GPD1L: variants seen among roughly 807,000 people sequenced by gnomAD.
The protein encoded by GPD1L is glycerol-3-phosphate dehydrogenase 1 like.
A neutral mutation model predicts 32.9 loss-of-function variants in GPD1L; 17 were observed. The ratio of observed to expected loss-of-function variants is 0.52; its 90% CI spans 0.35 to 0.78. GPD1L has a LOEUF of 0.78. Among genes scored for constraint, GPD1L ranks in the 30% least tolerant of loss-of-function variants. The pLI, the probability that GPD1L is intolerant of heterozygous loss-of-function variation, is 0.01. For missense variants in GPD1L, 361 were observed against 447.8 expected, an observed-to-expected ratio of 0.81 and a Z score of 1.75; for synonymous variants, 187 against 165.9, an observed-to-expected ratio of 1.13 and a Z score of -0.98.
intron 1 of GPD1L, among the ~76,000 whole-genome samples, chr3:32,116,201 G>A (rs1700330908): frequency 6.6e-6 from 1 of 152,126 alleles, no homozygotes; most frequent in African/African-American, 2.4e-5. Flanking sequence ...TTGAAATTCT[G>A]CATGTGCAAA....
chr3:32,150,872 T>C (rs929049175), intron 5 of GPD1L, among the ~76,000 whole-genome samples: 2 of 152,156 alleles, frequency 1.3e-5, no homozygotes, highest in Non-Finnish European at 2.9e-5. Context: ...GGAAGACTGC[T>C]TGAGTCCACG....
At chr3:32,142,077 A>C (rs1245258892) in intron 4 of GPD1L, among the ~76,000 whole-genome samples, 4 of 152,008 alleles carry the variant, frequency 2.6e-5, no homozygotes, top group African/African-American at 9.7e-5. Flanking sequence ...TAACTCACTT[A>C]GGATAATGGC....
chr3:32,145,139 C>T (rs1382081699), intron 4 of GPD1L, among the ~76,000 whole-genome samples: 1 of 151,730 alleles, frequency 6.6e-6, no homozygotes, highest in Non-Finnish European at 1.5e-5. Flanking sequence ...GCCAACATGG[C>T]GAAACCCCAT....
chr3:32,148,890 G>A (rs540027842), intron 5 of GPD1L, among the ~76,000 whole-genome samples: 1 of 152,202 alleles, frequency 6.6e-6, no homozygotes, highest in Admixed American at 6.5e-5. Flanking sequence ...CAACAGAAAG[G>A]TGTAAAGAAG....
At chr3:32,121,245 C>A (rs1165659179) in intron 1 of GPD1L, among the ~76,000 whole-genome samples, 1 of 151,796 alleles carries the variant, frequency 6.6e-6, no homozygotes, top group Non-Finnish European at 1.5e-5. Context: ...CTTCCCTTAA[C>A]CTGTCTCCTC....
intron 1 of GPD1L, among the ~76,000 whole-genome samples, chr3:32,122,377 C>T (rs1284969852): frequency 6.6e-6 from 1 of 152,162 alleles, no homozygotes; most frequent in African/African-American, 2.4e-5. Flanking sequence ...TCAATTTCAT[C>T]ATCTGTAAAA....
At chr3:32,113,263 T>C (rs968457238) in intron 1 of GPD1L, among the ~76,000 whole-genome samples, 1 of 152,300 alleles carries the variant, frequency 6.6e-6, no homozygotes, top group African/African-American at 2.4e-5. Flanking sequence ...TCTTTTTTTT[T>C]CTTTGTATGT....
chr3:32,167,833 G>A lies in GPD1L; in HGVS notation c.*1923G>A, dbSNP rs576637212. On this transcript the variant is annotated 3_prime_UTR_variant, in exon 8 of 8. Transcript: ENST00000282541. ...AAACTCTATCCAAAACATTTTTGGA[G>A]CATTTTAAAGCCCCATACACAGAAG... The A allele has an allele frequency of 6.6e-6, 1 of 152,190 alleles. No homozygotes were observed. The highest frequency in any genetic ancestry group is 2.1e-4 in the South Asian group (1 of 4,826). 9.4% of individuals were successfully genotyped at this position (152,190 alleles called of 1,614,324 possible).
At chr3:32,144,011 T>A (rs7641579) in intron 4 of GPD1L, among the ~76,000 whole-genome samples, 80,944 of 151,986 alleles carry the variant, frequency 0.53, 24,898 homozygotes, top group East Asian at 0.89. Flanking sequence ...ATGAGCACTA[T>A]GTGCAGTGTG....
chr3:32,124,845 C>A (rs927289280), intron 1 of GPD1L, among the ~76,000 whole-genome samples: 7 of 152,106 alleles, frequency 4.6e-5, no homozygotes, highest in Non-Finnish European at 1.0e-4. Flanking sequence ...TTCCCTTGAG[C>A]CTGGGAGGTC....
rs1185213004 is a variant in GPD1L at position 32,106,969 on chromosome 3, C to T, written c.47+211C>T. On this transcript the variant is annotated intron_variant, in intron 1 of 7. Coordinates refer to ENST00000282541, the MANE Select transcript of GPD1L (RefSeq NM_015141.4). The surrounding 1 kb of genome is among the most constrained non-coding windows in gnomAD (Gnocchi z 4.0). ...GGGAGGCGCTGGGCTCGCGTGCGTG[C>T]GGGGGACAGCGCGGAGAGAGGGCAC... 6.6e-6 allele frequency among the ~76,000 whole-genome samples: 1 copy of T among 152,138 alleles called. No homozygotes were observed. The highest frequency in any genetic ancestry group is 1.5e-5 in the Non-Finnish European group (1 of 68,016).
At chr3:32,154,955 C>T (rs1286484654) in intron 5 of GPD1L, among the ~76,000 whole-genome samples, 1 of 152,068 alleles carries the variant, frequency 6.6e-6, no homozygotes, top group African/African-American at 2.4e-5. Context: ...CACTATGTTG[C>T]CCAGGCTGGT....
In GPD1L at chr3:32,146,706, A is replaced by G; in HGVS notation, c.590A>G (p.Asp197Gly). 6.2e-7 allele frequency: 1 copy of G among 1,610,850 alleles called. No homozygotes were observed. The highest frequency in any genetic ancestry group is 1.1e-5 in the South Asian group (1 of 91,008). ...CGAATTACCGTGGTTGATGATGCAG[A>G]CACTGTTGAACTCTGTGGTGCGCTT... ...NFRITVVDDA[D>G]TVELCGALKN... Residue 197 changes from aspartate (D) to glycine (G), a missense_variant, in exon 5 of 8, where the codon GAC (aspartate) becomes GGC (glycine). Asp to Gly is a moderately conservative substitution (Grantham distance 94, BLOSUM62 -1). Transcript: ENST00000282541.
At chr3:32,117,050 T>C (rs372350377) in intron 1 of GPD1L, among the ~76,000 whole-genome samples, 3 of 152,252 alleles carry the variant, frequency 2.0e-5, no homozygotes, top group African/African-American at 4.8e-5. Context: ...GTAAATACTA[T>C]GTGTAGCTAC....
At chr3:32,155,843 A>G (rs1700981094) in intron 5 of GPD1L, among the ~76,000 whole-genome samples, 1 of 152,140 alleles carries the variant, frequency 6.6e-6, no homozygotes, top group Non-Finnish European at 1.5e-5. Flanking sequence ...ATGGCCGGAG[A>G]GGTGGAGTGG....
At chr3:32,149,452 C>A (rs115242627) in intron 5 of GPD1L, among the ~76,000 whole-genome samples, 1,948 of 152,104 alleles carry the variant, frequency 0.013, 60 homozygotes, top group African/African-American at 0.043. Flanking sequence ...TTTTTGTACT[C>A]AAAAATGTGG....
chr3:32,133,122 G>A (rs898066049), intron 2 of GPD1L, among the ~76,000 whole-genome samples: 1 of 152,210 alleles, frequency 6.6e-6, no homozygotes, highest in Non-Finnish European at 1.5e-5. Context: ...GAGTTGCCAT[G>A]GTGTCCGGTT....
chr3:32,156,820 T>C (rs2125496733), intron 5 of GPD1L, among the ~76,000 whole-genome samples: 1 of 152,344 alleles, frequency 6.6e-6, no homozygotes, highest in Middle Eastern at 3.4e-3. Flanking sequence ...TCACATTTTA[T>C]AGGCCTGATG....
intron 1 of GPD1L, among the ~76,000 whole-genome samples, chr3:32,117,830 T>C (rs1700354319): frequency 6.6e-6 from 1 of 152,190 alleles, no homozygotes; most frequent in Non-Finnish European, 1.5e-5. Flanking sequence ...TTCTCCTGAG[T>C]GGGCAGGTAG....
Sources: gnomAD v4.1 joint callset for allele counts (sites outside exome capture counted in the v4.1 genomes callset) on GRCh38, gnomAD v4.1.1 for gene constraint, Gnocchi (gnomAD v3.1) non-coding constraint, MANE v1.5 for transcripts, NCBI Gene and HGNC (gene_info 2026-07-23, HGNC 2026-07-21) for gene names.